The following MYO1H variants were observed in gnomAD, a reference collection of about 807,000 sequenced individuals.
MYO1H encodes myosin IH.
MYO1H carries 118 observed loss-of-function variants against 149.3 expected under a neutral mutation model. That is an observed-to-expected ratio of 0.79 (90% confidence interval 0.68 to 0.92). The LOEUF is 0.92. MYO1H is among the 40% of genes least tolerant of loss of function. The probability of loss-of-function intolerance (pLI) is 0.00; values close to 1 mark genes in which losing one functional copy is unlikely to be tolerated. For synonymous variants in MYO1H, 447 were observed against 465.2 expected, an observed-to-expected ratio of 0.96 and a Z score of 0.50; for missense variants, 1,212 against 1,280.7, an observed-to-expected ratio of 0.95 and a Z score of 0.82.
chr12:109,372,058 T>C (rs75511459), intron 1 of MYO1H, among the ~76,000 whole-genome samples: 8,714 of 152,214 alleles, frequency 0.057, 802 homozygotes, highest in African/African-American at 0.2. Context: ...TAATGATTTA[T>C]CTGAGCTATA....
At chr12:109,419,408 T>C (rs1871071603) in intron 15 of MYO1H, among the ~76,000 whole-genome samples, 1 of 152,164 alleles carries the variant, frequency 6.6e-6, no homozygotes, top group Non-Finnish European at 1.5e-5. Context: ...ATCCTCATAT[T>C]TGGGTTCTGG....
At chr12:109,431,998 T>C (rs1174191908) in intron 19 of MYO1H, among the ~76,000 whole-genome samples, 1 of 133,752 alleles carries the variant, frequency 7.5e-6, no homozygotes, top group Non-Finnish European at 1.6e-5. Flanking sequence ...AAAAATTTTT[T>C]TTTTTTTTTT....
At chr12:109,377,360 A>C (rs942174603) in intron 1 of MYO1H, among the ~76,000 whole-genome samples, 1 of 152,224 alleles carries the variant, frequency 6.6e-6, no homozygotes, top group Non-Finnish European at 1.5e-5. Context: ...ATGGTGAGTG[A>C]GGAAGCAAGA....
the MYO1H span, among the ~76,000 whole-genome samples, chr12:109,322,716 A>G: frequency 1.3e-5 from 2 of 149,252 alleles, no homozygotes; most frequent in Non-Finnish European, 3.0e-5. Context: ...GCTACTCGGG[A>G]GGCTGAGGCA....
intron 1 of MYO1H, among the ~76,000 whole-genome samples, chr12:109,377,287 A>C (rs929360515): frequency 6.6e-6 from 1 of 152,202 alleles, no homozygotes; most frequent in African/African-American, 2.4e-5. Flanking sequence ...AAGATTGGGC[A>C]TCTGCACGTG....
chr12:109,446,459 T>C (rs1383553351), intron 31 of MYO1H: 2 of 985,290 alleles, frequency 2.0e-6, no homozygotes, highest in African/African-American at 3.5e-5. Context: ...TTTAAGTGGA[T>C]TTACCTATAA....
chr12:109,414,056 T>G (rs562220495), intron 14 of MYO1H, among the ~76,000 whole-genome samples: 2 of 152,352 alleles, frequency 1.3e-5, no homozygotes, highest in African/African-American at 4.8e-5. Flanking sequence ...TAATGAATGC[T>G]CTGCTTCTTA....
At chr12:109,413,398 T>C (rs1429249064) in intron 14 of MYO1H, among the ~76,000 whole-genome samples, 1 of 152,202 alleles carries the variant, frequency 6.6e-6, no homozygotes, top group Non-Finnish European at 1.5e-5. Context: ...TCTCTGGCCA[T>C]GGTAAAGACT....
chr12:109,365,367 C>G (rs139745882), intron 1 of MYO1H, among the ~76,000 whole-genome samples: 5 of 152,202 alleles, frequency 3.3e-5, no homozygotes, highest in Non-Finnish European at 7.3e-5. Flanking sequence ...ATTCCAGTTC[C>G]GTCATGAAAC....
chr12:109,359,103 G>C (rs865857604), intron 1 of MYO1H, among the ~76,000 whole-genome samples: 1 of 152,232 alleles, frequency 6.6e-6, no homozygotes, highest in African/African-American at 2.4e-5. Context: ...GGCAGGAGGT[G>C]GCCGGGGAGC....
chr12:109,356,573 T>C (rs1206732593), intron 1 of MYO1H, among the ~76,000 whole-genome samples: 1 of 152,172 alleles, frequency 6.6e-6, no homozygotes, highest in African/African-American at 2.4e-5. Flanking sequence ...GCAAGAAGAC[T>C]AGGCTTTGCA....
chr12:109,390,798 TGG>T (rs1370452993), intron 2 of MYO1H, among the ~76,000 whole-genome samples: 4 of 152,162 alleles, frequency 2.6e-5, no homozygotes, highest in African/African-American at 9.7e-5. Context: ...CCCAAGTAGC[TGG>T]GATTACAGGC....
exon 9 of MYO1H, chr12:109,406,831 C>T (rs758666415): frequency 6.2e-7 from 1 of 1,613,986 alleles, no homozygotes. Flanking sequence ...AGCTCTCACC[C>T]ACAGAAAAAT....
At chr12:109,426,354 T>A (rs528889994) in intron 18 of MYO1H, among the ~76,000 whole-genome samples, 1 of 152,124 alleles carries the variant, frequency 6.6e-6, no homozygotes, top group Non-Finnish European at 1.5e-5. Flanking sequence ...CATGGTGGCG[T>A]GTCTCTACTA....
In MYO1H at chr12:109,409,316, G is replaced by T. The variant is rs1433984501; in HGVS notation, c.1156-241G>T. Among the ~76,000 whole-genome samples, 3 of 116,602 alleles carry T rather than the reference G, an allele frequency of 2.6e-5. 1 individual carries two copies. Among genetic ancestry groups the T allele is most frequent in the African/African-American group, 1.0e-4 (3 of 29,566 alleles). 76.5% of individuals were successfully genotyped at this position (116,602 alleles called of 152,430 possible). ...GGGAGGCTGAGGACACCTGAACAAAGAAGTGAATCAGAAGGGGAAGGTCTG... is the reference window on the plus strand; with the variant it reads ...GGGAGGCTGAGGACACCTGAACAAATAAGTGAATCAGAAGGGGAAGGTCTG... On this transcript the variant is annotated intron_variant, in intron 10 of 31. Coordinates refer to ENST00000310903, the Ensembl canonical transcript of MYO1H.
At chr12:109,311,862 A>G in the MYO1H span, among the ~76,000 whole-genome samples, 2 of 152,240 alleles carry the variant, frequency 1.3e-5, no homozygotes, top group Non-Finnish European at 2.9e-5. Context: ...ATCTTGCAGA[A>G]GAAAGAAAAA....
chr12:109,342,935 G>T (rs957238588), upstream of MYO1H, among the ~76,000 whole-genome samples: 1 of 151,948 alleles, frequency 6.6e-6, no homozygotes, highest in African/African-American at 2.4e-5. Flanking sequence ...CATCACATAA[G>T]GGCCAGGCAC....
chr12:109,313,692 A>G, the MYO1H span, among the ~76,000 whole-genome samples: 1 of 152,356 alleles, frequency 6.6e-6, no homozygotes, highest in South Asian at 2.1e-4. Flanking sequence ...TACTTCCCAG[A>G]AAAGTGGACA....
At chr12:109,387,940 G>C (rs1869431432) in intron 1 of MYO1H, among the ~76,000 whole-genome samples, 1 of 152,198 alleles carries the variant, frequency 6.6e-6, no homozygotes, top group Non-Finnish European at 1.5e-5. Context: ...TGCCTGCCCA[G>C]TGACCGAACC....
Sources: allele counts gnomAD v4.1 joint callset (sites outside exome capture counted in the v4.1 genomes callset), GRCh38; gene constraint gnomAD v4.1.1; transcripts MANE v1.5; gene names NCBI Gene and HGNC (gene_info 2026-07-23, HGNC 2026-07-21).